The following USP45 variants were observed in gnomAD, a reference collection of about 807,000 sequenced individuals.
The protein encoded by USP45 is ubiquitin specific peptidase 45, also known as ubiquitin carboxyl-terminal hydrolase 45.
In USP45, 89 loss-of-function variants were observed where a neutral mutation model predicts 95.8. The ratio of observed to expected loss-of-function variants is 0.93; its 90% CI spans 0.78 to 1.11. The LOEUF is 1.11. Ranked by LOEUF, USP45 falls within the 50% of genes least tolerant of loss-of-function variation. USP45 has a pLI of 0.00. For synonymous variants in USP45, 281 were observed against 316.2 expected, an observed-to-expected ratio of 0.89 and a Z score of 1.18; for missense variants, 898 against 942.5, an observed-to-expected ratio of 0.95 and a Z score of 0.62.
In USP45 at chr6:99,504,659, G is replaced by T. The variant is rs188648819; in HGVS notation, c.378-794C>A. Among the ~76,000 whole-genome samples the T allele has an allele frequency of 2.6e-5, 4 of 152,260 alleles. No homozygotes were observed. The East Asian group carries it at 7.7e-4, about 29-fold the overall frequency. On this transcript the variant is annotated intron_variant, in intron 4 of 17. Transcript: ENST00000500704. ...AAATAACTGCCATGGGTAGGGAGAA[G>T]TGAGTGAGACAATGTCAGCGATTCT...
rs549271478 is a variant in USP45, at chr6:99,474,280, C to T, written c.933+1863G>A. On this transcript the variant is annotated intron_variant, in intron 9 of 17. Coordinates refer to ENST00000500704, the MANE Select transcript of USP45 (RefSeq NM_001346022.3). ...TGGTGCGATCACAGCTCACTGCAACCTCCGCCTCTCGGGTTCAAGCAATTC... is the reference window on the plus strand; with the variant it reads ...TGGTGCGATCACAGCTCACTGCAACTTCCGCCTCTCGGGTTCAAGCAATTC... Among the ~76,000 whole-genome samples the T allele has an allele frequency of 9.1e-4, 139 of 152,318 alleles. 1 individual carries two copies. The highest frequency in any genetic ancestry group is 3.1e-3 in the African/African-American group (128 of 41,576).
In USP45 at chr6:99,493,965, A is replaced by C. The variant is rs574326839; in HGVS notation, c.479-5145T>G. ...AACACAGAACCAAATACAATAAGGA[A>C]TGAACTTCAAGATGTTTTTAAGTAT... On this transcript the variant is annotated intron_variant, in intron 5 of 17. Coordinates refer to ENST00000500704, the MANE Select transcript of USP45 (RefSeq NM_001346022.3). 5.3e-5 allele frequency among the ~76,000 whole-genome samples: 8 copies of C among 152,358 alleles called. 1 individual carries two copies. In the South Asian group the frequency reaches 1.4e-3, roughly 28 times the overall value.
At chr6:99,458,309 G>A (rs1436190965) in intron 13 of USP45, among the ~76,000 whole-genome samples, 1 of 152,262 alleles carries the variant, frequency 6.6e-6, no homozygotes, top group East Asian at 1.9e-4. Flanking sequence ...GTGAGCCACC[G>A]CACCCAGCCA....
In USP45 at chr6:99,467,662, AAG is replaced by A. The variant is rs573904931; in HGVS notation, c.1015+873_1015+874del. On this transcript the variant is annotated intron_variant, in intron 10 of 17. Coordinates refer to ENST00000500704, the MANE Select transcript of USP45 (RefSeq NM_001346022.3). ...GGATTGGAAATAGTACAAAACTGGA[AAG>A]AGGGGGAAGAAAAACGGGGCTGTTA... Among the ~76,000 whole-genome samples, 332 of 152,230 alleles carry A rather than the reference AAG, an allele frequency of 2.2e-3. 3 individuals are homozygous for A. The highest frequency in any genetic ancestry group is 7.5e-3 in the African/African-American group (310 of 41,548).
At chr6:99,493,198 A>G (rs1243504286) in intron 5 of USP45, among the ~76,000 whole-genome samples, 2 of 150,564 alleles carry the variant, frequency 1.3e-5, no homozygotes, top group Non-Finnish European at 3.0e-5. Context: ...GGCTAATTTT[A>G]TATTTTTAGT....
At chr6:99,506,350 G>C (rs141234252) in intron 4 of USP45, among the ~76,000 whole-genome samples, 1 of 152,100 alleles carries the variant, frequency 6.6e-6, no homozygotes, top group South Asian at 2.1e-4. Flanking sequence ...TTTTTGAAAC[G>C]GAGTGTCACT....
At chr6:99,491,762 T>C (rs1795223005) in intron 5 of USP45, among the ~76,000 whole-genome samples, 2 of 152,176 alleles carry the variant, frequency 1.3e-5, no homozygotes, top group Non-Finnish European at 2.9e-5. Flanking sequence ...ATATCTTTTT[T>C]TTTTTGGCTT....
intron 4 of USP45, among the ~76,000 whole-genome samples, chr6:99,506,453 C>G (rs928405402): frequency 6.6e-6 from 1 of 152,172 alleles, no homozygotes; most frequent in African/African-American, 2.4e-5. Flanking sequence ...GGACTACAGG[C>G]GTGCGCCACC....
chr6:99,510,626 G>A (rs1247075753), intron 1 of USP45, among the ~76,000 whole-genome samples: 1 of 152,120 alleles, frequency 6.6e-6, no homozygotes, highest in Non-Finnish European at 1.5e-5. Flanking sequence ...ATCCACATGA[G>A]GATATACGAG....
chr6:99,495,652 A>C (rs1796137451), intron 5 of USP45, among the ~76,000 whole-genome samples: 1 of 152,242 alleles, frequency 6.6e-6, no homozygotes, highest in Non-Finnish European at 1.5e-5. Context: ...GATGCAATTT[A>C]TAAGTGTGAT....
At chr6:99,501,988 T>TG in intron 5 of USP45, 1 of 1,303,146 alleles carries the variant, frequency 7.7e-7, no homozygotes. Context: ...GCTGAAGAGA[T>TG]GAATCAGGAT....
intron 9 of USP45, among the ~76,000 whole-genome samples, chr6:99,469,486 ATTT>A (rs60670572): frequency 0.46 from 62,233 of 136,536 alleles, 14,638 homozygotes; most frequent in East Asian, 0.7. Flanking sequence ...ATATATATAT[ATTT>A]TTTTTTTTTT....
chr6:99,509,160 A>G (rs1171393356), intron 2 of USP45, among the ~76,000 whole-genome samples: 2 of 152,214 alleles, frequency 1.3e-5, no homozygotes, highest in Non-Finnish European at 2.9e-5. Flanking sequence ...GGATGTCTGA[A>G]TTATCTCTTT....
intron 7 of USP45, 111 bp downstream of exon 7, chr6:99,488,089 A>T: frequency 1.5e-6 from 1 of 666,284 alleles, no homozygotes; most frequent in Non-Finnish European, 2.6e-6. Context: ...AATTATTTTT[A>T]AGCCCCCTGG....
In USP45 at chr6:99,439,636, C is replaced by T. The variant is rs944687049; in HGVS notation, c.2160+133G>A. ...TATTAAGTGTTCCACATATTACTGA[C>T]TTAATCACTGGCTATTAAAATTCCC... On this transcript the variant is annotated intron_variant, in intron 16 of 17. Coordinates refer to ENST00000500704, the MANE Select transcript of USP45 (RefSeq NM_001346022.3). The T allele has an allele frequency of 2.5e-5, 14 of 554,684 alleles. No individual in the cohort carries two copies. In the African/African-American group the frequency reaches 2.8e-4, roughly 11 times the overall value. 34.4% of individuals were successfully genotyped at this position (554,684 alleles called of 1,614,324 possible).
At position 99,453,348 on chromosome 6, in the gene USP45, T is replaced by C. The variant is rs867973242; in HGVS notation, c.1309-6885A>G. On this transcript the variant is annotated intron_variant, in intron 13 of 17. Transcript: ENST00000500704. ...TGCAAAATCAACATATGAAAATCAG[T>C]AGCGTTTCTATACACTAACAACAAA... 4.6e-5 allele frequency among the ~76,000 whole-genome samples: 7 copies of C among 151,818 alleles called. No homozygotes were observed. The South Asian group carries it at 1.2e-3, about 27-fold the overall frequency.
At chr6:99,499,929 CT>C (rs1479657613) in intron 5 of USP45, among the ~76,000 whole-genome samples, 1 of 152,178 alleles carries the variant, frequency 6.6e-6, no homozygotes, top group Non-Finnish European at 1.5e-5. Flanking sequence ...ACTGTTTAAT[CT>C]TACACCTTCT....
At chr6:99,480,803 G>T (rs1429987251) in intron 8 of USP45, among the ~76,000 whole-genome samples, 1 of 152,136 alleles carries the variant, frequency 6.6e-6, no homozygotes, top group African/African-American at 2.4e-5. Context: ...AAGACATGTA[G>T]ATCAATGAAA....
Position 99,507,423 on chromosome 6 carries a change from C to A in USP45, c.377+5G>T. 6.4e-7 allele frequency: 1 copy of A among 1,569,476 alleles called. No homozygotes were observed. Among genetic ancestry groups the A allele is most frequent in the Non-Finnish European group, 8.7e-7 (1 of 1,152,844 alleles). ...GGACACAAGAACTAACAAAATTTAA[C>A]TTACCATATAATCCATGTGCTCAGA... is the stretch of plus-strand genomic sequence containing the variant. On this transcript the variant is annotated splice_donor_5th_base_variant and intron_variant, in intron 4 of 17. Transcript: ENST00000500704.
Sources: allele counts gnomAD v4.1 joint callset (sites outside exome capture counted in the v4.1 genomes callset), GRCh38; gene constraint gnomAD v4.1.1; transcripts MANE v1.5; gene names NCBI Gene and HGNC (gene_info 2026-07-23, HGNC 2026-07-21).